Variants in PPP1R1B observed in about 807,000 individuals in gnomAD.
The protein encoded by PPP1R1B is protein phosphatase 1 regulatory subunit 1B.
A neutral mutation model predicts 28.2 loss-of-function variants in PPP1R1B; 13 were observed. The ratio of observed to expected loss-of-function variants is 0.46; its 90% CI spans 0.30 to 0.73. The LOEUF (loss-of-function observed/expected upper bound fraction) is 0.73, where lower values mean the gene tolerates loss of function less well. PPP1R1B is among the 30% of genes least tolerant of loss of function. The pLI is 0.07. For synonymous variants in PPP1R1B, 102 were observed against 97.5 expected (o/e 1.05, Z -0.27); for missense variants, 236 against 256.7 (o/e 0.92, Z 0.55).
At chr17:39,634,417 G>A (rs929121452) in intron 5 of PPP1R1B, among the ~76,000 whole-genome samples, 36 of 152,216 alleles carry the variant, frequency 2.4e-4, no homozygotes, top group Admixed American at 6.5e-4. Flanking sequence ...GACATTCAGG[G>A]ATGGAGGACC....
chr17:39,635,661 C>A lies in PPP1R1B; in HGVS notation c.500C>A (p.Pro167His), dbSNP rs759168684. The A allele has an allele frequency of 6.2e-7, 1 of 1,614,140 alleles. No homozygotes were observed. The highest frequency in any genetic ancestry group is 8.5e-7 in the Non-Finnish European group (1 of 1,180,024). The change falls in exon 6 of 7, where the codon CCC (proline) becomes CAC (histidine). Residue 167 changes from proline (P) to histidine (H), a missense_variant. Physicochemically the swap from Pro to His is moderately conservative, Grantham distance 77 (BLOSUM62 -2). Transcript: ENST00000254079. ...CTGGAAGGGCCCTGGGAGCGCCCAC[C>A]CCCTCTGGATGAGTCCGAGAGAGAT... ...QGLEGPWERPPPLDESERDGG... is the reference protein window; with the variant it reads ...QGLEGPWERPHPLDESERDGG...
chr17:39,630,379 C>T (rs567910087), intron 4 of PPP1R1B: 16 of 351,062 alleles, frequency 4.6e-5, no homozygotes, highest in Non-Finnish European at 8.7e-5. Context: ...GGACCACCTC[C>T]CACCCCTGCT....
chr17:39,634,882 AG>A (rs2056905782), intron 5 of PPP1R1B, among the ~76,000 whole-genome samples: 1 of 152,196 alleles, frequency 6.6e-6, no homozygotes, highest in African/African-American at 2.4e-5. Flanking sequence ...GAGGGGTGAG[AG>A]GAGACTGTTC....
chr17:39,630,033 C>T lies in PPP1R1B; in HGVS notation c.227C>T (p.Pro76Leu). The change falls in exon 4 of 7, where the codon CCA (proline) becomes CTA (leucine). Residue 76 changes from proline to leucine, a missense_variant. Coordinates refer to ENST00000254079, the MANE Select transcript of PPP1R1B (RefSeq NM_032192.4). ...AGACCCAACCCCTGTGCCTACACAC[C>T]ACCTTCGCTGAAAGGTACTATACCC... ...SKRPNPCAYT[P>L]PSLKAVQRIA... 6.2e-7 allele frequency: 1 copy of T among 1,614,116 alleles called. No homozygotes were observed. Among genetic ancestry groups the T allele is most frequent in the Non-Finnish European group, 8.5e-7 (1 of 1,179,982 alleles).
chr17:39,628,642 C>CACT (rs2056853721), intron 1 of PPP1R1B: 1 of 986,008 alleles, frequency 1.0e-6, no homozygotes, highest in African/African-American at 1.7e-5. Context: ...GCCTGCAGTG[C>CACT]GCTGGCTCAG....
rs1395995861 is a variant in PPP1R1B, at chr17:39,629,913, G to A, written c.166-59G>A. 6 of 1,521,266 alleles carry A rather than the reference G, an allele frequency of 3.9e-6. No individual in the cohort carries two copies. In the African/African-American group the frequency reaches 6.9e-5, roughly 17 times the overall value. The allele number at this position is 1,521,266 out of a possible 1,614,324, so 94.2% of individuals were successfully genotyped here. A position where few individuals can be genotyped will look rare whatever the true frequency, so the allele number is the denominator to read the frequency against. ...GTGGCCATGGGTGGGATGGAATGGA[G>A]GGATGGTGAAGGCAAGGGCCTCTGC... is the stretch of plus-strand genomic sequence containing the variant. On this transcript the variant is annotated intron_variant, in intron 3 of 6. Coordinates refer to ENST00000254079, the MANE Select transcript of PPP1R1B (RefSeq NM_032192.4).
chr17:39,635,619 C>A lies in PPP1R1B; in HGVS notation c.458C>A (p.Thr153Lys), dbSNP rs946950591. 2 of 1,613,798 alleles carry A rather than the reference C, an allele frequency of 1.2e-6. No individual in the cohort carries two copies. Among genetic ancestry groups the A allele is most frequent in the Admixed American group, 3.3e-5 (2 of 60,008 alleles). Reference sequence around the variant, plus strand: ...TTCCCATCCCCAGCTGGGCAAAAGACAACCTGTGGCCAGGGTCTGGAAGGG... The same window carrying A: ...TTCCCATCCCCAGCTGGGCAAAAGAAAACCTGTGGCCAGGGTCTGGAAGGG... The part of the protein sequence containing the change: ...KVIRQSAGQK[T>K]TCGQGLEGPW... Residue 153 changes from threonine (T) to lysine (K), a missense_variant, in exon 6 of 7, where the codon ACA becomes AAA. Thr to Lys is a moderately conservative substitution (Grantham distance 78, BLOSUM62 -1). Transcript: ENST00000254079.
Position 39,629,994 on chromosome 17 carries a change from A to T in PPP1R1B, c.188A>T (p.His63Leu). 6.2e-7 allele frequency: 1 copy of T among 1,614,144 alleles called. No individual in the cohort carries two copies. The highest frequency in any genetic ancestry group is 8.5e-7 in the Non-Finnish European group (1 of 1,180,022). Residue 63 changes from histidine to leucine, a missense_variant, in exon 4 of 7, where the codon CAT becomes CTT. His to Leu is a moderately conservative substitution (Grantham distance 99, BLOSUM62 -3). Transcript: ENST00000254079. ...CAGAGAGCCTCAGGAGAGGGGCACC[A>T]TCTCAAGTCGAAGAGACCCAACCCC... The part of the protein sequence containing the change: ...PHQRASGEGH[H>L]LKSKRPNPCA...
At position 39,629,522 on chromosome 17, in the gene PPP1R1B, T is replaced by C; in HGVS notation, c.143-18T>C. On this transcript the variant is annotated intron_variant, in intron 2 of 6. Transcript: ENST00000254079. ...CTCGCTTGGTTCTGGTTCGGTTGGC[T>C]TTGGTGGCCTTCCTCAGAGGAGGAA... 2 of 1,613,744 alleles carry C rather than the reference T, an allele frequency of 1.2e-6. No individual in the cohort carries two copies. The highest frequency in any genetic ancestry group is 1.7e-6 in the Non-Finnish European group (2 of 1,179,966).
At chr17:39,628,738 TG>T in intron 1 of PPP1R1B, 1 of 990,784 alleles carries the variant, frequency 1.0e-6, no homozygotes, top group Non-Finnish European at 1.2e-6. Flanking sequence ...CCATGGCCCG[TG>T]GGGCATCTTC....
chr17:39,627,658 T>C (rs1009406302), intron 1 of PPP1R1B, among the ~76,000 whole-genome samples, 185 bp downstream of exon 1: 6 of 151,582 alleles, frequency 4.0e-5, no homozygotes, highest in African/African-American at 1.5e-4. Flanking sequence ...CGTGCAACTT[T>C]TCCCCGCGGC....
At chr17:39,627,553 G>C in intron 1 of PPP1R1B, 80 bp downstream of exon 1, 2 of 906,436 alleles carry the variant, frequency 2.2e-6, no homozygotes, top group Admixed American at 3.1e-5. Context: ...GCGCTGCCCC[G>C]GCCGGACTGG....
intron 4 of PPP1R1B, among the ~76,000 whole-genome samples, chr17:39,630,788 G>A (rs2056871311): frequency 6.6e-6 from 1 of 152,156 alleles, no homozygotes; most frequent in Admixed American, 6.5e-5. Flanking sequence ...GAGCTAAGCG[G>A]GCCGGGCGCA....
chr17:39,629,469 TTC>T, intron 2 of PPP1R1B, 69 bp from the exon 3 acceptor site: 1 of 1,586,670 alleles, frequency 6.3e-7, no homozygotes, highest in Non-Finnish European at 8.6e-7. Flanking sequence ...CTCGGATTCT[TTC>T]TCTCTCTCCC....
In PPP1R1B at chr17:39,629,624, G is replaced by C. The variant is rs754285125; in HGVS notation, c.165+62G>C. ...GGGCCCCTTGGGGTGGGGTGGACGGGTGCCTGCAGTGACAACCAACCAGTA... is the reference window on the plus strand; with the variant it reads ...GGGCCCCTTGGGGTGGGGTGGACGGCTGCCTGCAGTGACAACCAACCAGTA... On this transcript the variant is annotated intron_variant, in intron 3 of 6. Coordinates refer to ENST00000254079, the MANE Select transcript of PPP1R1B (RefSeq NM_032192.4). The C allele has an allele frequency of 5.1e-6, 8 of 1,576,404 alleles. No individual in the cohort carries two copies. The Admixed American group carries it at 1.4e-4, about 27-fold the overall frequency.
chr17:39,629,563 G>A lies in PPP1R1B; in HGVS notation c.165+1G>A. 1 of 1,613,752 alleles carries A rather than the reference G, an allele frequency of 6.2e-7. No homozygotes were observed. The highest frequency in any genetic ancestry group is 8.5e-7 in the Non-Finnish European group (1 of 1,179,918). On this transcript the variant is annotated splice_donor_variant, in intron 3 of 6. Transcript: ENST00000254079. LOFTEE classifies it high-confidence loss of function. The stretch of plus-strand genomic sequence containing the variant: ...AGAGGAGGAAGCCTCCCCCCACCAG[G>A]TGAGTTTCCTGGGGCAGCTGGAAGG...
At chr17:39,634,810 G>T (rs1298358673) in intron 5 of PPP1R1B, among the ~76,000 whole-genome samples, 1 of 152,174 alleles carries the variant, frequency 6.6e-6, no homozygotes, top group Non-Finnish European at 1.5e-5. Flanking sequence ...GTCCCTTTGT[G>T]GGCAAGAGAC....
chr17:39,630,252 A>G (rs76176725), intron 4 of PPP1R1B: 14,364 of 574,614 alleles, frequency 0.025, 301 homozygotes, highest in African/African-American at 0.062. Context: ...ATGGGCAGCT[A>G]TGGGCCTTAA....
In PPP1R1B at chr17:39,635,603, C is replaced by T. The variant is rs559351821; in HGVS notation, c.446-4C>T. On this transcript the variant is annotated splice_region_variant and splice_polypyrimidine_tract_variant and intron_variant, in intron 5 of 6. Transcript: ENST00000254079. ...TGTTCTTATCTCTTCTTTCCCATCC[C>T]CAGCTGGGCAAAAGACAACCTGTGG... The T allele has an allele frequency of 6.2e-7, 1 of 1,613,000 alleles. No homozygotes were observed. The highest frequency in any genetic ancestry group is 2.2e-5 in the East Asian group (1 of 44,832).
Sources: allele counts gnomAD v4.1 joint callset (sites outside exome capture counted in the v4.1 genomes callset), GRCh38; gene constraint gnomAD v4.1.1; transcripts MANE v1.5; gene names NCBI Gene and HGNC (gene_info 2026-07-23, HGNC 2026-07-21).